The following SEMA3C variants were observed in gnomAD, a reference collection of about 807,000 sequenced individuals.
SEMA3C encodes the protein semaphorin-3C.
Under a neutral mutation model 89.4 loss-of-function variants are expected in SEMA3C, and 47 were observed. The observed-to-expected ratio is 0.53, with a 90% CI of 0.42 to 0.67. The LOEUF (loss-of-function observed/expected upper bound fraction) is 0.67. SEMA3C is among the 30% of genes least tolerant of loss of function. SEMA3C has a pLI of 0.00. For synonymous variants in SEMA3C, 310 were observed against 320.2 expected (o/e 0.97, Z 0.34); for missense variants, 839 against 929.1 (o/e 0.90, Z 1.26).
At chr7:80,894,377 T>C (rs1791684676) in intron 2 of SEMA3C, among the ~76,000 whole-genome samples, 1 of 152,150 alleles carries the variant, frequency 6.6e-6, no homozygotes, top group Non-Finnish European at 1.5e-5. Flanking sequence ...TGGTTTCACA[T>C]TGTCATGTCA....
intron 2 of SEMA3C, among the ~76,000 whole-genome samples, chr7:80,866,351 T>C (rs1414741946): frequency 6.6e-6 from 1 of 152,112 alleles, no homozygotes; most frequent in South Asian, 2.1e-4. Context: ...ATTTACACAA[T>C]AAAAACCATA....
At position 80,917,377 on chromosome 7, in the gene SEMA3C, T is replaced by C. The variant is rs144690067; in HGVS notation, c.-38-558A>G. Among the ~76,000 whole-genome samples the C allele has an allele frequency of 2.6e-4, 40 of 152,358 alleles. No individual in the cohort carries two copies. In the East Asian group the frequency reaches 5.4e-3, roughly 21 times the overall value. ...TCACTGAAGTCACTGGAATCAGTTA[T>C]CTGCCATTTTATCCAGATGACCAAC... On this transcript the variant is annotated intron_variant, in intron 1 of 17. Transcript: ENST00000265361.
At chr7:80,829,531 T>C (rs2115821615) in intron 2 of SEMA3C, among the ~76,000 whole-genome samples, 1 of 152,300 alleles carries the variant, frequency 6.6e-6, no homozygotes, top group East Asian at 1.9e-4. Context: ...TAGTCCGACT[T>C]ATTTTTCTAT....
chr7:80,746,350 G>A (rs1787799424), intron 17 of SEMA3C, among the ~76,000 whole-genome samples: 1 of 152,004 alleles, frequency 6.6e-6, no homozygotes, highest in Non-Finnish European at 1.5e-5. Context: ...CTTGGAGGAA[G>A]AAAACAAAAT....
chr7:80,772,274 A>C (rs1788450254), intron 12 of SEMA3C, among the ~76,000 whole-genome samples: 1 of 152,212 alleles, frequency 6.6e-6, no homozygotes, highest in Admixed American at 6.5e-5. Flanking sequence ...AAAATCTTTT[A>C]ATAGTGAGTT....
At chr7:80,766,053 T>G (rs1028729409) in intron 12 of SEMA3C, among the ~76,000 whole-genome samples, 1 of 152,210 alleles carries the variant, frequency 6.6e-6, no homozygotes, top group Non-Finnish European at 1.5e-5. Context: ...AAAATTCACA[T>G]TTGGTCTGTA....
intron 12 of SEMA3C, among the ~76,000 whole-genome samples, chr7:80,766,096 T>G (rs1046552863): frequency 6.6e-6 from 1 of 152,238 alleles, no homozygotes; most frequent in Non-Finnish European, 1.5e-5. Flanking sequence ...GTGAAATGTT[T>G]CACTCACCAT....
intron 2 of SEMA3C, among the ~76,000 whole-genome samples, chr7:80,844,991 G>A (rs1479818658): frequency 6.6e-6 from 1 of 152,088 alleles, no homozygotes; most frequent in Non-Finnish European, 1.5e-5. Flanking sequence ...GCCGCTTGAG[G>A]AGAATTTTCC....
chr7:80,754,957 G>GTTTTTTTTTTGTTTTTTGTTTT (rs1449995090), intron 15 of SEMA3C, among the ~76,000 whole-genome samples: 5 of 108,366 alleles, frequency 4.6e-5, no homozygotes, highest in Admixed American at 1.0e-4. Context: ...GTTTTTTTTT[G>GTTTTTTTTTTGTTTTTTGTTTT]TTTTTTTTTT....
At chr7:80,754,961 T>TTTTTTTGTTTTTTTTTTTTTTTG (rs1170769354) in intron 15 of SEMA3C, among the ~76,000 whole-genome samples, 1 of 126,946 alleles carries the variant, frequency 7.9e-6, no homozygotes, top group African/African-American at 2.8e-5. Flanking sequence ...TTTTTTGTTT[T>TTTTTTTGTTTTTTTTTTTTTTTG]TTTTTTTTTT....
At chr7:80,802,581 A>T in intron 9 of SEMA3C, 84 bp downstream of exon 9, 2 of 780,036 alleles carry the variant, frequency 2.6e-6, no homozygotes, top group Non-Finnish European at 4.2e-6. Flanking sequence ...TATGGAAAGT[A>T]CATCTTCTTT....
chr7:80,836,591 T>A (rs950009898), intron 2 of SEMA3C, among the ~76,000 whole-genome samples: 4 of 152,084 alleles, frequency 2.6e-5, no homozygotes, highest in African/African-American at 9.7e-5. Context: ...GGCAGGAGAA[T>A]TGCTTGAACC....
intron 11 of SEMA3C, among the ~76,000 whole-genome samples, chr7:80,791,212 T>C (rs750792772): frequency 6.6e-6 from 1 of 152,044 alleles, no homozygotes; most frequent in Non-Finnish European, 1.5e-5. Context: ...GTAGGGCACC[T>C]AAGGCCAAAC....
chr7:80,869,924 C>G (rs545222982), intron 2 of SEMA3C, among the ~76,000 whole-genome samples: 1 of 152,324 alleles, frequency 6.6e-6, no homozygotes, highest in South Asian at 2.1e-4. Context: ...ACATTACTTT[C>G]TCTGCTCACC....
chr7:80,921,100 T>G (rs1042100440), upstream of SEMA3C, among the ~76,000 whole-genome samples: 1 of 152,202 alleles, frequency 6.6e-6, no homozygotes, highest in African/African-American at 2.4e-5. Context: ...CAAAGGAGCT[T>G]AATTCCAAAC....
At chr7:80,820,054 C>CTTTTTT (rs768363975) in intron 4 of SEMA3C, among the ~76,000 whole-genome samples, 3 of 124,126 alleles carry the variant, frequency 2.4e-5, no homozygotes, top group African/African-American at 6.0e-5. Context: ...ATGTATGCTC[C>CTTTTTT]TTTTTTTTTT....
At chr7:80,883,787 A>AGTG (rs1791408607) in intron 2 of SEMA3C, among the ~76,000 whole-genome samples, 2 of 152,228 alleles carry the variant, frequency 1.3e-5, no homozygotes, top group Non-Finnish European at 2.9e-5. Context: ...GAGCAAAAAA[A>AGTG]ATGAGCACAT....
At chr7:80,801,245 TA>T (rs1250244766) in intron 9 of SEMA3C, among the ~76,000 whole-genome samples, 5 of 152,254 alleles carry the variant, frequency 3.3e-5, no homozygotes, top group African/African-American at 1.2e-4. Flanking sequence ...ATTACTGTTT[TA>T]ATTAAAAAAA....
intron 2 of SEMA3C, among the ~76,000 whole-genome samples, chr7:80,877,284 T>G (rs562062843): frequency 5.9e-5 from 9 of 152,322 alleles, no homozygotes; most frequent in African/African-American, 2.2e-4. Flanking sequence ...TTTTCTACAG[T>G]GGCAACCACA....
Sources: gnomAD v4.1 joint callset for allele counts (sites outside exome capture counted in the v4.1 genomes callset) on GRCh38, gnomAD v4.1.1 for gene constraint, MANE v1.5 for transcripts, NCBI Gene and HGNC (gene_info 2026-07-23, HGNC 2026-07-21) for gene names.